IL19: variants seen among roughly 807,000 people sequenced by gnomAD.
IL19 encodes the protein interleukin-19.
IL19 carries 15 observed loss-of-function variants against 19.5 expected under a neutral mutation model. The observed-to-expected ratio is 0.77, with a 90% CI of 0.52 to 1.19. The LOEUF (loss-of-function observed/expected upper bound fraction) is 1.19, where lower values mean the gene tolerates loss of function less well. Ranked by LOEUF, IL19 falls within the 50% of genes most tolerant of loss-of-function variation. The pLI, the probability that IL19 is intolerant of heterozygous loss-of-function variation, is 0.00. For synonymous variants in IL19, 78 were observed against 78.3 expected, an observed-to-expected ratio of 1.00 and a Z score of 0.02; for missense variants, 199 against 213.1, an observed-to-expected ratio of 0.93 and a Z score of 0.41.
chr1:206,789,308 A>G (rs189040410), intron 1 of IL19, among the ~76,000 whole-genome samples: 2 of 152,308 alleles, frequency 1.3e-5, no homozygotes, highest in Non-Finnish European at 2.9e-5. Context: ...ACTACTAAAC[A>G]TTGTACCCAA....
chr1:206,801,252 C>G (rs1484014766), intron 2 of IL19, among the ~76,000 whole-genome samples: 1 of 151,924 alleles, frequency 6.6e-6, no homozygotes, highest in Non-Finnish European at 1.5e-5. Flanking sequence ...GGCCTTCTAG[C>G]CAATGATATG....
chr1:206,840,026 A>C lies in IL19; in HGVS notation c.363+24A>C, dbSNP rs776104985. 3 of 1,613,880 alleles carry C rather than the reference A, an allele frequency of 1.9e-6. No homozygotes were observed. The South Asian group carries it at 3.3e-5, about 18-fold the overall frequency. On this transcript the variant is annotated intron_variant, in intron 5 of 6. Transcript: ENST00000659997. ...GTGTGAGTCACTGGGTCAGAATTCC[A>C]GCATCTGCTCCCTGTCTGCCCAAGG...
intron 1 of IL19, among the ~76,000 whole-genome samples, chr1:206,789,948 G>A (rs1675355707): frequency 6.6e-6 from 1 of 152,188 alleles, no homozygotes; most frequent in Non-Finnish European, 1.5e-5. Context: ...ACTTAGGTTA[G>A]TTCCATATCT....
chr1:206,772,379 G>A (rs1395293404), intron 1 of IL19: 1 of 1,614,102 alleles, frequency 6.2e-7, no homozygotes, highest in Admixed American at 1.7e-5. Context: ...CCTGGCCTGG[G>A]CTGGCCCTCA....
chr1:206,778,334 A>T (rs2102446025), intron 1 of IL19, among the ~76,000 whole-genome samples: 1 of 152,302 alleles, frequency 6.6e-6, no homozygotes, highest in African/African-American at 2.4e-5. Context: ...AGGGACCAGG[A>T]CACCAGGTGT....
At chr1:206,773,294 A>G (rs2102441942) in intron 1 of IL19, among the ~76,000 whole-genome samples, 1 of 152,340 alleles carries the variant, frequency 6.6e-6, no homozygotes, top group South Asian at 2.1e-4. Context: ...GAGATATTAC[A>G]TCACCTGTAC....
intron 1 of IL19, among the ~76,000 whole-genome samples, chr1:206,791,606 A>G (rs191841659): frequency 3.7e-4 from 56 of 152,192 alleles, no homozygotes; most frequent in African/African-American, 1.3e-3. Context: ...CCCAGTCCCT[A>G]TGTTTTGACT....
chr1:206,833,573 C>A, intron 2 of IL19: 2 of 681,668 alleles, frequency 2.9e-6, no homozygotes, highest in Non-Finnish European at 3.6e-6. Context: ...TTTTCATTGC[C>A]CCAAACCTGA....
At position 206,840,992 on chromosome 1, in the gene IL19, A is replaced by G. The variant is rs758973288; in HGVS notation, c.364-12A>G. 1 of 1,612,532 alleles carries G rather than the reference A, an allele frequency of 6.2e-7. No individual in the cohort carries two copies. Among genetic ancestry groups the G allele is most frequent in the Non-Finnish European group, 8.5e-7 (1 of 1,178,534 alleles). On this transcript the variant is annotated splice_polypyrimidine_tract_variant and intron_variant, in intron 5 of 6. Transcript: ENST00000659997. ...ATGTCCTCTGATAGGAGCTTCCTCC[A>G]CTTTATCACAGCAGGAACAGAGGCA...
chr1:206,784,933 C>T (rs538963049), intron 1 of IL19, among the ~76,000 whole-genome samples: 1 of 152,128 alleles, frequency 6.6e-6, no homozygotes, highest in Non-Finnish European at 1.5e-5. Context: ...TAATAAATTC[C>T]CTTGAGAGAG....
At chr1:206,832,080 C>A (rs111930933) in intron 2 of IL19, among the ~76,000 whole-genome samples, 1 of 152,234 alleles carries the variant, frequency 6.6e-6, no homozygotes, top group Non-Finnish European at 1.5e-5. Flanking sequence ...CAGCACCCAC[C>A]TCCCTCCATC....
chr1:206,813,157 C>A (rs1374292624), intron 2 of IL19, among the ~76,000 whole-genome samples: 1 of 152,198 alleles, frequency 6.6e-6, no homozygotes, highest in Non-Finnish European at 1.5e-5. Context: ...CTAAACCCAA[C>A]CTTCTATAGT....
chr1:206,834,374 G>C (rs1676713941), intron 2 of IL19: 1 of 985,634 alleles, frequency 1.0e-6, no homozygotes, highest in Non-Finnish European at 1.2e-6. Flanking sequence ...GAGACACAAG[G>C]AGCAGCCCGC....
At chr1:206,803,545 C>T (rs1675770660) in intron 2 of IL19, among the ~76,000 whole-genome samples, 1 of 152,150 alleles carries the variant, frequency 6.6e-6, no homozygotes, top group South Asian at 2.1e-4. Context: ...GATGCTTGTA[C>T]TGTGCTGCGA....
chr1:206,775,615 T>C (rs1558604428), intron 1 of IL19, among the ~76,000 whole-genome samples: 1 of 152,244 alleles, frequency 6.6e-6, no homozygotes, highest in South Asian at 2.1e-4. Context: ...AAAGACCCTG[T>C]GTCCTTATAT....
chr1:206,797,592 A>G (rs1053292812), intron 1 of IL19, among the ~76,000 whole-genome samples: 1 of 152,198 alleles, frequency 6.6e-6, no homozygotes, highest in Non-Finnish European at 1.5e-5. Context: ...AAATTATTTG[A>G]AACATTGCCC....
At chr1:206,795,203 C>T (rs1675494883) in intron 1 of IL19, among the ~76,000 whole-genome samples, 1 of 152,218 alleles carries the variant, frequency 6.6e-6, no homozygotes, top group African/African-American at 2.4e-5. Flanking sequence ...AGCCTGACAA[C>T]AGTCTGAGGG....
chr1:206,774,913 T>C (rs1572541647), intron 1 of IL19, among the ~76,000 whole-genome samples: 2 of 152,102 alleles, frequency 1.3e-5, no homozygotes, highest in South Asian at 4.2e-4. Context: ...TCAATTTCCT[T>C]ATATGAGATG....
At chr1:206,777,821 G>A (rs910754727) in intron 1 of IL19, among the ~76,000 whole-genome samples, 2 of 152,264 alleles carry the variant, frequency 1.3e-5, no homozygotes, top group Non-Finnish European at 2.9e-5. Flanking sequence ...GACATTTAGT[G>A]TGTAAAATAG....
Sources: allele counts gnomAD v4.1 joint callset (sites outside exome capture counted in the v4.1 genomes callset), GRCh38; gene constraint gnomAD v4.1.1; transcripts MANE v1.5; gene names NCBI Gene and HGNC (gene_info 2026-07-23, HGNC 2026-07-21).